The following ROBO1 variants were observed in gnomAD, a reference collection of about 807,000 sequenced individuals.
The protein encoded by ROBO1 is roundabout homolog 1.
In ROBO1, 149 loss-of-function variants were observed where a neutral mutation model predicts 195.9. That is an observed-to-expected ratio of 0.76 (90% CI 0.67 to 0.87). The LOEUF (loss-of-function observed/expected upper bound fraction) is 0.87. ROBO1 is among the 40% of genes least tolerant of loss of function. ROBO1 has a pLI of 0.00. For synonymous variants in ROBO1, 816 were observed against 733.2 expected (o/e 1.11, Z -1.82); for missense variants, 1,933 against 2,068.3 (o/e 0.93, Z 1.27).
intron 19 of ROBO1, among the ~76,000 whole-genome samples, chr3:78,649,527 G>T (rs1168768304): frequency 6.6e-6 from 1 of 152,062 alleles, no homozygotes; most frequent in Non-Finnish European, 1.5e-5. Context: ...GTTACACTCT[G>T]GCTTGATGTT....
At chr3:79,306,995 AAAAC>A (rs951098136) in intron 2 of ROBO1, among the ~76,000 whole-genome samples, 8 of 152,170 alleles carry the variant, frequency 5.3e-5, no homozygotes, top group Admixed American at 4.6e-4. Context: ...ATAGAAAAGA[AAAAC>A]TAGGAAGAAC....
At chr3:79,621,392 T>C (rs1463921423) in intron 1 of ROBO1, among the ~76,000 whole-genome samples, 1 of 152,172 alleles carries the variant, frequency 6.6e-6, no homozygotes, top group Non-Finnish European at 1.5e-5. Context: ...AAAAGCTTTA[T>C]TGCTCACACA....
At chr3:79,758,628 A>G (rs1433925848) in intron 1 of ROBO1, among the ~76,000 whole-genome samples, 1 of 152,256 alleles carries the variant, frequency 6.6e-6, no homozygotes, top group Non-Finnish European at 1.5e-5. Context: ...CATATTCTCT[A>G]CAGAGAGAAA....
At chr3:78,985,525 G>A (rs376359040) in intron 3 of ROBO1, among the ~76,000 whole-genome samples, 3 of 151,964 alleles carry the variant, frequency 2.0e-5, no homozygotes, top group Non-Finnish European at 2.9e-5. Context: ...TTGTTCTAGG[G>A]TCAACTGTAA....
intron 4 of ROBO1, among the ~76,000 whole-genome samples, chr3:78,761,065 A>T (rs889346788): frequency 6.6e-6 from 1 of 152,184 alleles, no homozygotes; most frequent in Non-Finnish European, 1.5e-5. Context: ...TATAATCAAT[A>T]GTCTAACAGG....
chr3:78,841,063 A>G (rs1173639326), intron 4 of ROBO1, among the ~76,000 whole-genome samples: 1 of 148,340 alleles, frequency 6.7e-6, no homozygotes, highest in Non-Finnish European at 1.5e-5. Flanking sequence ...CTGTGTCTCA[A>G]AAAAAAAAAA....
At chr3:79,566,722 C>T (rs1559998626) in intron 2 of ROBO1, among the ~76,000 whole-genome samples, 1 of 151,858 alleles carries the variant, frequency 6.6e-6, no homozygotes, top group East Asian at 1.9e-4. Flanking sequence ...AAATCAAAAC[C>T]ACAATGAGAT....
chr3:79,690,531 C>T (rs964900380), intron 1 of ROBO1, among the ~76,000 whole-genome samples: 3 of 151,996 alleles, frequency 2.0e-5, no homozygotes, highest in African/African-American at 7.2e-5. Context: ...ACACCATGCT[C>T]TTAGTTCAGT....
intron 3 of ROBO1, among the ~76,000 whole-genome samples, chr3:79,102,452 A>T (rs951758263): frequency 2.8e-4 from 42 of 151,776 alleles, no homozygotes; most frequent in African/African-American, 9.4e-4. Flanking sequence ...CATAAATTGC[A>T]GCCATAAAAC....
chr3:78,644,513 G>A (rs1164421236), intron 21 of ROBO1, among the ~76,000 whole-genome samples: 2 of 152,026 alleles, frequency 1.3e-5, no homozygotes, highest in African/African-American at 2.4e-5. Flanking sequence ...TCCCAACATC[G>A]TTTAGCATTT....
At chr3:79,577,020 A>G (rs570768843) in intron 2 of ROBO1, among the ~76,000 whole-genome samples, 2 of 152,192 alleles carry the variant, frequency 1.3e-5, no homozygotes, top group Admixed American at 6.5e-5. Context: ...TTTTACATAA[A>G]TTGTCTCTGG....
chr3:79,630,394 A>G (rs1008209858), intron 1 of ROBO1, among the ~76,000 whole-genome samples: 1 of 152,070 alleles, frequency 6.6e-6, no homozygotes, highest in Non-Finnish European at 1.5e-5. Flanking sequence ...CAAAAGCCAT[A>G]TGATCATCTC....
chr3:78,613,621 T>C (rs1703941199), intron 28 of ROBO1, among the ~76,000 whole-genome samples: 1 of 152,118 alleles, frequency 6.6e-6, no homozygotes, highest in African/African-American at 2.4e-5. Flanking sequence ...GAATAAAGTA[T>C]AGATAATAGC....
intron 2 of ROBO1, among the ~76,000 whole-genome samples, chr3:79,371,393 A>T (rs2036187455): frequency 6.6e-6 from 1 of 152,172 alleles, no homozygotes; most frequent in Admixed American, 6.6e-5. Context: ...AAGATAATGG[A>T]CCCTTTAGAA....
chr3:78,672,267 A>T (rs974095543), intron 10 of ROBO1, among the ~76,000 whole-genome samples: 16 of 151,998 alleles, frequency 1.1e-4, no homozygotes, highest in Non-Finnish European at 1.8e-4. Context: ...CAACAAAAAA[A>T]ACTATTATGT....
intron 4 of ROBO1, among the ~76,000 whole-genome samples, chr3:78,768,528 G>C (rs2083285301): frequency 6.6e-6 from 1 of 151,814 alleles, no homozygotes. Flanking sequence ...TATTAGCATG[G>C]TTTGATGTTT....
In ROBO1 at chr3:78,643,870, T is replaced by C. The variant is rs146571948; in HGVS notation, c.2882+2278A>G. Among the ~76,000 whole-genome samples the C allele has an allele frequency of 2.1e-3, 325 of 152,090 alleles. 5 individuals carry two copies. The highest frequency in any genetic ancestry group is 0.02 in the Admixed American group (307 of 15,254). On this transcript the variant is annotated intron_variant, in intron 21 of 30. Coordinates refer to ENST00000464233, the MANE Select transcript of ROBO1 (RefSeq NM_002941.4). ...GGCAAAGGAGAAGTAGGGCTTGAAA[T>C]GAAACAATATGAGAGTGAAAGGAGT... is the stretch of plus-strand genomic sequence containing the variant.
intron 1 of ROBO1, among the ~76,000 whole-genome samples, chr3:79,678,373 C>A (rs1048003817): frequency 2.0e-5 from 3 of 151,798 alleles, no homozygotes; most frequent in African/African-American, 7.3e-5. Context: ...ACTATTATAT[C>A]GATAAGCATT....
At chr3:79,681,582 GATATA>G (rs906299824) in intron 1 of ROBO1, among the ~76,000 whole-genome samples, 2 of 151,998 alleles carry the variant, frequency 1.3e-5, no homozygotes, top group Admixed American at 6.6e-5. Flanking sequence ...GTATTGTGGT[GATATA>G]ATATATAATC....
Sources: allele counts gnomAD v4.1 joint callset (sites outside exome capture counted in the v4.1 genomes callset), GRCh38; gene constraint gnomAD v4.1.1; transcripts MANE v1.5; gene names NCBI Gene and HGNC (gene_info 2026-07-23, HGNC 2026-07-21).